SHANK2: variants seen among roughly 807,000 people sequenced by gnomAD.
SHANK2 encodes SH3 and multiple ankyrin repeat domains protein 2.
In SHANK2, 43 loss-of-function variants were observed where a neutral mutation model predicts 133.7. That is an observed-to-expected ratio of 0.32 (90% confidence interval 0.25 to 0.41). SHANK2 has a LOEUF of 0.41. Ranked by LOEUF, SHANK2 falls within the 10% of genes least tolerant of loss-of-function variation. The pLI, the probability that SHANK2 is intolerant of heterozygous loss-of-function variation, is 1.00. For missense variants in SHANK2, 1,994 were observed against 2,235.8 expected (o/e 0.89, Z 2.18); for synonymous variants, 1,017 against 952.8 (o/e 1.07, Z -1.24).
At chr11:71,251,088 C>T (rs1316747479) in intron 1 of SHANK2, among the ~76,000 whole-genome samples, 3 of 152,066 alleles carry the variant, frequency 2.0e-5, no homozygotes, top group Admixed American at 2.0e-4. Context: ...TACGTACTTT[C>T]GCCTGACCCC....
At chr11:70,619,158 C>T (rs2060796535) in intron 17 of SHANK2, among the ~76,000 whole-genome samples, 1 of 152,186 alleles carries the variant, frequency 6.6e-6, no homozygotes, top group African/African-American at 2.4e-5. Context: ...TGACAACCAC[C>T]CTTGGGTTAG....
At chr11:71,169,931 G>A (rs1953276594) in intron 2 of SHANK2, among the ~76,000 whole-genome samples, 1 of 152,034 alleles carries the variant, frequency 6.6e-6, no homozygotes, top group Non-Finnish European at 1.5e-5. Flanking sequence ...AAAATTTTGA[G>A]GCCAGGAGTT....
chr11:71,229,051 A>G (rs1555122628), intron 1 of SHANK2, among the ~76,000 whole-genome samples: 1 of 152,236 alleles, frequency 6.6e-6, no homozygotes, highest in Non-Finnish European at 1.5e-5. Context: ...TTTCTTTGAG[A>G]AAAACTCTCC....
intron 17 of SHANK2, among the ~76,000 whole-genome samples, chr11:70,573,381 G>A (rs1019939324): frequency 6.6e-6 from 1 of 150,512 alleles, no homozygotes; most frequent in Non-Finnish European, 1.5e-5. Context: ...CCTTGACCTT[G>A]GCGATGGTTT....
At chr11:70,664,864 G>A (rs974758007) in intron 15 of SHANK2, among the ~76,000 whole-genome samples, 2 of 152,158 alleles carry the variant, frequency 1.3e-5, no homozygotes, top group African/African-American at 4.8e-5. Context: ...TTGACCCCAA[G>A]GTCACTGACC....
At chr11:70,896,416 G>A (rs1391803916) in intron 11 of SHANK2, 85 bp downstream of exon 11, 3 of 638,218 alleles carry the variant, frequency 4.7e-6, no homozygotes, top group East Asian at 2.8e-5. Context: ...AATCTTAGGA[G>A]AATTTTAAAA....
intron 3 of SHANK2, among the ~76,000 whole-genome samples, chr11:71,142,941 A>G (rs1483586096): frequency 2.0e-5 from 3 of 152,202 alleles, no homozygotes; most frequent in African/African-American, 4.8e-5. Context: ...GTGACTCAAA[A>G]ATACAGAGCA....
intron 2 of SHANK2, among the ~76,000 whole-genome samples, chr11:71,208,325 G>C (rs571587415): frequency 2.6e-5 from 4 of 152,076 alleles, no homozygotes; most frequent in African/African-American, 9.7e-5. Context: ...GGGGAAGTTG[G>C]GGGGAGAAGG....
intron 11 of SHANK2, among the ~76,000 whole-genome samples, chr11:70,836,998 A>G (rs532591760): frequency 6.6e-6 from 1 of 152,292 alleles, no homozygotes; most frequent in South Asian, 2.1e-4. Flanking sequence ...TCTCTCCACC[A>G]TGGGAGGGCT....
intron 3 of SHANK2, among the ~76,000 whole-genome samples, chr11:71,120,491 G>T (rs1952061542): frequency 6.6e-6 from 1 of 151,984 alleles, no homozygotes; most frequent in South Asian, 2.1e-4. Flanking sequence ...CTGGGAAAAT[G>T]ATCCTGGGAC....
At chr11:71,123,613 G>T (rs1183131135) in intron 3 of SHANK2, among the ~76,000 whole-genome samples, 1 of 152,208 alleles carries the variant, frequency 6.6e-6, no homozygotes, top group Non-Finnish European at 1.5e-5. Flanking sequence ...TGTTACCAGT[G>T]TGAGCCTTGG....
chr11:70,868,509 GCA>G (rs1949407903), intron 11 of SHANK2, among the ~76,000 whole-genome samples: 1 of 152,240 alleles, frequency 6.6e-6, no homozygotes, highest in Non-Finnish European at 1.5e-5. Flanking sequence ...GGCAACTGTG[GCA>G]CAGAGAGGTT....
chr11:70,783,220 GA>G (rs1250036783), intron 14 of SHANK2, among the ~76,000 whole-genome samples: 1 of 152,110 alleles, frequency 6.6e-6, no homozygotes, highest in East Asian at 1.9e-4. Context: ...TTCTGTTACA[GA>G]AGCCTGGACT....
intron 14 of SHANK2, among the ~76,000 whole-genome samples, chr11:70,733,324 G>A (rs909953854): frequency 1.3e-5 from 2 of 152,332 alleles, no homozygotes; most frequent in East Asian, 1.9e-4. Flanking sequence ...GAAGCAAGGA[G>A]TTGATTCATA....
intron 1 of SHANK2, among the ~76,000 whole-genome samples, chr11:71,248,385 C>T (rs1398566508): frequency 2.0e-5 from 3 of 152,350 alleles, no homozygotes; most frequent in South Asian, 2.1e-4. Context: ...ATTTTCTAAC[C>T]GCTGCCTGGC....
At chr11:70,798,862 C>A (rs1292047331) in intron 13 of SHANK2, among the ~76,000 whole-genome samples, 2 of 152,194 alleles carry the variant, frequency 1.3e-5, no homozygotes, top group East Asian at 1.9e-4. Flanking sequence ...TGCACGGCGG[C>A]CCTGTAGCAT....
In SHANK2 at chr11:70,535,806, G is replaced by A. The variant is rs2059535623; in HGVS notation, c.2062-32875C>T. Among the ~76,000 whole-genome samples, 2 of 152,260 alleles carry A rather than the reference G, an allele frequency of 1.3e-5. No individual in the cohort carries two copies. The highest frequency in any genetic ancestry group is 2.9e-5 in the Non-Finnish European group (2 of 68,046). On this transcript the variant is annotated intron_variant, in intron 17 of 25. Coordinates refer to ENST00000601538, the MANE Select transcript of SHANK2 (RefSeq NM_012309.5). The surrounding 1 kb of genome is among the most constrained non-coding windows in gnomAD (Gnocchi z 4.3). ...GAGAGGTTCGGGTGGGCCATCCGCT[G>A]GCAGGGAGCTGGGCCCAGGCACTTG...
At chr11:71,092,654 T>G in intron 7 of SHANK2, 65 bp from the exon 8 acceptor site, 1 of 1,501,172 alleles carries the variant, frequency 6.7e-7, no homozygotes, top group East Asian at 2.5e-5. Flanking sequence ...AGTGAGGTGA[T>G]CCAGAAAGCA....
rs1222010989 is a variant in SHANK2, at chr11:70,517,318, A to AAAAC, written c.2062-14391_2062-14388dup. Among the ~76,000 whole-genome samples the AAAAC allele has an allele frequency of 2.0e-5, 3 of 152,238 alleles. No homozygotes were observed. The East Asian group carries it at 5.8e-4, about 29-fold the overall frequency. ...GGAAGACAGTTTGGCAGTTTCTTAC[A>AAAAC]AAACAACACACTTTTACCCTATGAT... is the stretch of plus-strand genomic sequence containing the variant. On this transcript the variant is annotated intron_variant, in intron 17 of 25. Coordinates refer to ENST00000601538, the MANE Select transcript of SHANK2 (RefSeq NM_012309.5).
Sources: allele counts gnomAD v4.1 joint callset (sites outside exome capture counted in the v4.1 genomes callset), GRCh38; gene constraint gnomAD v4.1.1; non-coding constraint Gnocchi (gnomAD v3.1); transcripts MANE v1.5; gene names NCBI Gene and HGNC (gene_info 2026-07-23, HGNC 2026-07-21).